The following PAPPA2 variants were observed in gnomAD, a reference collection of about 807,000 sequenced individuals.
The protein encoded by PAPPA2 is pappalysin 2.
A neutral mutation model predicts 176.4 loss-of-function variants in PAPPA2; 86 were observed. The observed-to-expected ratio is 0.49, with a 90% confidence interval of 0.41 to 0.58. The LOEUF is 0.58. PAPPA2 is among the 20% of genes least tolerant of loss of function. The pLI is 0.00. For missense variants in PAPPA2, 2,073 were observed against 2,256.9 expected, an observed-to-expected ratio of 0.92 and a Z score of 1.65; for synonymous variants, 809 against 852.2, an observed-to-expected ratio of 0.95 and a Z score of 0.88.
At chr1:176,470,869 ATTT>A (rs10711737) in intron 1 of PAPPA2, among the ~76,000 whole-genome samples, 1,781 of 151,284 alleles carry the variant, frequency 0.012, 33 homozygotes, top group African/African-American at 0.04. Flanking sequence ...GGGTCAGTGG[ATTT>A]TTTTTTTTAA....
At chr1:176,802,966 C>A (rs1440200439) in intron 21 of PAPPA2, among the ~76,000 whole-genome samples, 1 of 152,164 alleles carries the variant, frequency 6.6e-6, no homozygotes, top group East Asian at 1.9e-4. Context: ...TGCTTGTGTT[C>A]CCATTGTCCC....
intron 2 of PAPPA2, among the ~76,000 whole-genome samples, chr1:176,568,708 A>G (rs1281898845): frequency 1.3e-5 from 2 of 152,218 alleles, no homozygotes; most frequent in Admixed American, 6.5e-5. Flanking sequence ...CATGACATGT[A>G]ATGCCAGTAA....
intron 12 of PAPPA2, among the ~76,000 whole-genome samples, chr1:176,722,006 A>T (rs984543557): frequency 1.3e-5 from 2 of 152,138 alleles, no homozygotes; most frequent in African/African-American, 4.8e-5. Context: ...AATTTTGCTC[A>T]ATATAATCAG....
At chr1:176,687,897 C>T (rs564205717) in intron 4 of PAPPA2, among the ~76,000 whole-genome samples, 7 of 152,072 alleles carry the variant, frequency 4.6e-5, no homozygotes, top group East Asian at 3.9e-4. Flanking sequence ...AAGGACTTTT[C>T]GGGGCCTTTA....
chr1:176,493,288 C>G (rs1276524451), intron 1 of PAPPA2, among the ~76,000 whole-genome samples: 1 of 152,184 alleles, frequency 6.6e-6, no homozygotes, highest in African/African-American at 2.4e-5. Flanking sequence ...CACTTTCAAC[C>G]CCTGATATTT....
rs573775096 is a variant in PAPPA2, at chr1:176,585,308, A to G, written c.920-9216A>G. Among the ~76,000 whole-genome samples the G allele has an allele frequency of 3.9e-5, 6 of 152,062 alleles. No individual in the cohort carries two copies. The South Asian group carries it at 8.3e-4, about 21-fold the overall frequency. On this transcript the variant is annotated intron_variant, in intron 2 of 22. Coordinates refer to ENST00000367662, the MANE Select transcript of PAPPA2 (RefSeq NM_020318.3). ...GTTTTTTTTTTCTTTTAGTACTTCG[A>G]ATATTTCATTCCATTCTTTCTGGCC...
At chr1:176,470,909 C>G (rs1384603689) in intron 1 of PAPPA2, among the ~76,000 whole-genome samples, 3 of 151,862 alleles carry the variant, frequency 2.0e-5, no homozygotes, top group African/African-American at 4.8e-5. Context: ...AGAGCAAAAG[C>G]TGGCCCCATG....
chr1:176,801,729 A>G (rs1392209768), intron 21 of PAPPA2, among the ~76,000 whole-genome samples: 2 of 152,116 alleles, frequency 1.3e-5, no homozygotes, highest in Non-Finnish European at 2.9e-5. Flanking sequence ...AGGGATCCTG[A>G]GAATTCCCTT....
At chr1:176,837,910 G>T (rs1025479668) in intron 21 of PAPPA2, among the ~76,000 whole-genome samples, 1 of 152,200 alleles carries the variant, frequency 6.6e-6, no homozygotes, top group Non-Finnish European at 1.5e-5. Flanking sequence ...GTTGCCATAG[G>T]AGACTCTGTT....
intron 21 of PAPPA2, among the ~76,000 whole-genome samples, chr1:176,839,302 C>T (rs1434603432): frequency 6.6e-6 from 1 of 152,210 alleles, no homozygotes; most frequent in Non-Finnish European, 1.5e-5. Context: ...ATGCATTGGG[C>T]TGCTGAGCTA....
At chr1:176,507,642 A>G (rs1270406157) in intron 1 of PAPPA2, among the ~76,000 whole-genome samples, 1 of 152,180 alleles carries the variant, frequency 6.6e-6, no homozygotes, top group East Asian at 1.9e-4. Flanking sequence ...AGCAACATGG[A>G]TGGAGCTGGA....
chr1:176,720,139 G>A (rs992785022), intron 12 of PAPPA2, among the ~76,000 whole-genome samples: 1 of 152,090 alleles, frequency 6.6e-6, no homozygotes, highest in Non-Finnish European at 1.5e-5. Context: ...TCATCCATAT[G>A]GGAACTGTGT....
rs149042175 is a variant in PAPPA2, at chr1:176,739,273, A to G, written c.3799-353A>G. ...TCACTTTGGCAATAAGGAGATATTTATTGCACTGGCTCTGCAGTCATTTAT... is the reference window on the plus strand; with the variant it reads ...TCACTTTGGCAATAAGGAGATATTTGTTGCACTGGCTCTGCAGTCATTTAT... On this transcript the variant is annotated intron_variant, in intron 12 of 22. Transcript: ENST00000367662. Among the ~76,000 whole-genome samples, 131 of 152,226 alleles carry G rather than the reference A, an allele frequency of 8.6e-4. 2 individuals carry two copies. Among genetic ancestry groups the G allele is most frequent in the South Asian group, 4.8e-3 (23 of 4,818 alleles).
At chr1:176,707,753 C>T (rs1469236991) in intron 10 of PAPPA2, among the ~76,000 whole-genome samples, 1 of 152,154 alleles carries the variant, frequency 6.6e-6, no homozygotes, top group African/African-American at 2.4e-5. Context: ...CAGCTTTCCT[C>T]ATGCTTAATC....
At chr1:176,806,138 G>A (rs1416613123) in intron 21 of PAPPA2, among the ~76,000 whole-genome samples, 1 of 152,052 alleles carries the variant, frequency 6.6e-6, no homozygotes, top group East Asian at 1.9e-4. Flanking sequence ...TAAAGTTTGG[G>A]AGGAAATTTC....
intron 4 of PAPPA2, among the ~76,000 whole-genome samples, chr1:176,675,923 G>A (rs953086388): frequency 7.2e-5 from 11 of 152,026 alleles, no homozygotes; most frequent in African/African-American, 9.7e-5. Context: ...AGGCAAAGGC[G>A]TGAACAGACA....
chr1:176,690,034 A>C, intron 4 of PAPPA2, 103 bp from the exon 5 acceptor site: 1 of 1,105,160 alleles, frequency 9.0e-7, no homozygotes, highest in Non-Finnish European at 1.3e-6. Context: ...GTGACTCCTT[A>C]GAGGCTGAAA....
At chr1:176,531,796 AT>A (rs1346415801) in intron 1 of PAPPA2, among the ~76,000 whole-genome samples, 1 of 152,234 alleles carries the variant, frequency 6.6e-6, no homozygotes, top group Non-Finnish European at 1.5e-5. Flanking sequence ...CAGTTAAAAA[AT>A]TTAAAAGACA....
Position 176,690,205 on chromosome 1 carries a change from G to A in PAPPA2, c.2206G>A (p.Gly736Arg). The change falls in exon 5 of 23, where the codon GGA becomes AGA. Residue 736 changes from glycine (G) to arginine (R), a missense_variant. Physicochemically the swap from Gly to Arg is moderately radical, Grantham distance 125. Around this residue, in one of 4 missense-constraint regions of PAPPA2, gnomAD observed 1,196 missense variants for 1,330.4 expected, o/e 0.90. Transcript: ENST00000367662. ...CACCGACACCATGATCCATGAAGTG[G>A]GACATGTTCTGGGACTCTACCATGT... ...GHTDTMIHEV[G>R]HVLGLYHVFK... 6.2e-7 allele frequency: 1 copy of A among 1,614,070 alleles called. No homozygotes were observed. The highest frequency in any genetic ancestry group is 8.5e-7 in the Non-Finnish European group (1 of 1,179,978).
Sources: gnomAD v4.1 joint callset for allele counts (sites outside exome capture counted in the v4.1 genomes callset) on GRCh38, gnomAD v4.1.1 for gene constraint, gnomAD v4.1.1 regional missense constraint, MANE v1.5 for transcripts, NCBI Gene and HGNC (gene_info 2026-07-23, HGNC 2026-07-21) for gene names.